Variants in PCDH11X observed in about 807,000 individuals in gnomAD.
PCDH11X encodes the protein protocadherin-11 X-linked.
In PCDH11X, 18 loss-of-function variants were observed where a neutral mutation model predicts 53.3. That is an observed-to-expected ratio of 0.34 (90% CI 0.23 to 0.50). The LOEUF (loss-of-function observed/expected upper bound fraction) is 0.50. PCDH11X is among the 20% of genes least tolerant of loss of function. The pLI is 0.98. For missense variants in PCDH11X, 570 were observed against 1,032.4 expected (o/e 0.55, Z 6.14); for synonymous variants, 279 against 393.3 (o/e 0.71, Z 3.44).
At chrX:92,466,385 C>G (rs1240544723) in intron 9 of PCDH11X, among the ~76,000 whole-genome samples, 1 of 108,236 alleles carries the variant, frequency 9.2e-6, no homozygotes, top group Admixed American at 1.0e-4. Context: ...CAAGATGGGC[C>G]TTTAGCTTAC....
intron 6 of PCDH11X, among the ~76,000 whole-genome samples, chrX:92,031,494 C>T (rs1352959218): frequency 9.1e-6 from 1 of 109,379 alleles, no homozygotes; most frequent in African/African-American, 3.4e-5. Context: ...TGATATGATG[C>T]CATTTGTCCA....
chrX:92,213,788 T>C (rs1260592987), intron 7 of PCDH11X, among the ~76,000 whole-genome samples: 4 of 112,323 alleles, frequency 3.6e-5, no homozygotes, highest in Non-Finnish European at 5.6e-5. Flanking sequence ...ACTATGCCTT[T>C]TATATCTACC....
chrX:92,054,542 C>T (rs1292818136), intron 6 of PCDH11X, among the ~76,000 whole-genome samples: 2 of 111,326 alleles, frequency 1.8e-5, no homozygotes, highest in South Asian at 3.7e-4. Flanking sequence ...TAGTGTGTGC[C>T]GGGTACGGTG....
At chrX:91,801,342 A>C (rs921890014) in intron 1 of PCDH11X, among the ~76,000 whole-genome samples, 1 of 110,214 alleles carries the variant, frequency 9.1e-6, no homozygotes, top group Non-Finnish European at 1.9e-5. Flanking sequence ...TCAACAAAAA[A>C]GAGGGTCTTG....
intron 6 of PCDH11X, among the ~76,000 whole-genome samples, chrX:91,994,997 C>T (rs775078334): frequency 3.5e-4 from 39 of 110,641 alleles, no homozygotes; most frequent in South Asian, 1.5e-3. Context: ...TTGGATTATT[C>T]GGTGTTTTAT....
intron 6 of PCDH11X, among the ~76,000 whole-genome samples, chrX:92,091,945 G>A (rs1399669877): frequency 9.0e-6 from 1 of 111,597 alleles, no homozygotes; most frequent in Non-Finnish European, 1.9e-5. Context: ...TATATAATGT[G>A]GATTTTTCCC....
chrX:92,221,278 A>AATACACACACACACACACACACAC lies in PCDH11X; in HGVS notation c.3114+19824_3114+19825insTACACACACACACACACACACACA, dbSNP rs1249262957. 9.1e-4 allele frequency among the ~76,000 whole-genome samples: 80 copies of AATACACACACACACACACACACAC among 88,031 alleles called. 3 individuals carry two copies. Among genetic ancestry groups the AATACACACACACACACACACACAC allele is most frequent in the Admixed American group, 1.9e-3 (13 of 6,964 alleles). 76.4% of individuals were successfully genotyped at this position (88,031 alleles called of 115,157 possible). A position where few individuals can be genotyped will look rare whatever the true frequency, so the allele number is the denominator to read the frequency against. ...TTTTAAAAAAGAAAACATTGTATACAACACACACACACACACACACACACA... is the reference window on the plus strand; with the variant it reads ...TTTTAAAAAAGAAAACATTGTATACAATACACACACACACACACACACACACACACACACACACACACACACACA... On this transcript the variant is annotated intron_variant, in intron 7 of 10. Transcript: ENST00000682573.
intron 5 of PCDH11X, among the ~76,000 whole-genome samples, chrX:91,848,914 A>T (rs1197813778): frequency 9.0e-6 from 1 of 110,861 alleles, no homozygotes; most frequent in East Asian, 2.8e-4. Context: ...AGGATTACTG[A>T]TTTCTTTATA....
chrX:92,133,467 A>G (rs1376466296), intron 6 of PCDH11X, among the ~76,000 whole-genome samples: 4 of 111,617 alleles, frequency 3.6e-5, no homozygotes, highest in East Asian at 2.8e-4. Flanking sequence ...CCTGGCTTCA[A>G]GCGATTCTCC....
chrX:91,787,748 G>A (rs1935380645), intron 1 of PCDH11X, among the ~76,000 whole-genome samples: 1 of 109,305 alleles, frequency 9.1e-6, no homozygotes, highest in East Asian at 2.9e-4. Context: ...GTCCAGCATT[G>A]CAATACTTTA....
At chrX:92,504,972 G>A (rs2074024008) in intron 10 of PCDH11X, among the ~76,000 whole-genome samples, 2 of 109,517 alleles carry the variant, frequency 1.8e-5, no homozygotes, top group Non-Finnish European at 1.9e-5. Flanking sequence ...CTTTTGAATG[G>A]GGAATGCTTT....
rs1431774101 is a variant in PCDH11X at position 92,379,798 on chromosome X, C to T, written c.3145-7937C>T. 2.7e-5 allele frequency among the ~76,000 whole-genome samples: 3 copies of T among 110,489 alleles called. No individual in the cohort carries two copies. The East Asian group carries it at 8.6e-4, about 32-fold the overall frequency. On this transcript the variant is annotated intron_variant, in intron 8 of 10. Coordinates refer to ENST00000682573, the MANE Select transcript of PCDH11X (RefSeq NM_032968.5). ...GGACAAACGACAGATGACCTAACTG[C>T]TGTTAGGAGCTACCCACTCCGTGTC...
chrX:92,101,660 A>G (rs1198535239), intron 6 of PCDH11X, among the ~76,000 whole-genome samples: 2 of 110,329 alleles, frequency 1.8e-5, no homozygotes, highest in East Asian at 5.7e-4. Context: ...GCCTTCTCAG[A>G]CCCTGTAGGA....
intron 10 of PCDH11X, among the ~76,000 whole-genome samples, chrX:92,564,920 T>A (rs951335238): frequency 9.1e-6 from 1 of 110,490 alleles, no homozygotes; most frequent in Admixed American, 9.7e-5. Context: ...AACAACTCTA[T>A]ACAAAGAAAA....
intron 6 of PCDH11X, among the ~76,000 whole-genome samples, chrX:91,986,556 G>C (rs1414908494): frequency 9.1e-6 from 1 of 109,948 alleles, no homozygotes; most frequent in Non-Finnish European, 1.9e-5. Context: ...CTAAAATCAT[G>C]GTGACAATAG....
At chrX:91,902,328 G>A (rs1451992804) in intron 6 of PCDH11X, among the ~76,000 whole-genome samples, 1 of 109,771 alleles carries the variant, frequency 9.1e-6, no homozygotes, top group Non-Finnish European at 1.9e-5. Context: ...CAAACTCAAT[G>A]GACATGTTTT....
chrX:92,228,123 T>C (rs1399425099), intron 7 of PCDH11X, among the ~76,000 whole-genome samples: 1 of 111,703 alleles, frequency 9.0e-6, no homozygotes, highest in Non-Finnish European at 1.9e-5. Flanking sequence ...AACATGTTGA[T>C]CTGCATTTTT....
intron 10 of PCDH11X, among the ~76,000 whole-genome samples, chrX:92,487,966 G>A (rs1010759891): frequency 3.6e-5 from 4 of 112,466 alleles, no homozygotes; most frequent in East Asian, 2.8e-4. Flanking sequence ...ACCAGATGGC[G>A]TCTCACTCTG....
At chrX:92,088,685 G>A (rs906348032) in intron 6 of PCDH11X, among the ~76,000 whole-genome samples, 4 of 111,641 alleles carry the variant, frequency 3.6e-5, no homozygotes, top group African/African-American at 1.3e-4. Context: ...TGTAAAGTAC[G>A]TTTCTTTCTA....
Sources: gnomAD v4.1 joint callset for allele counts (sites outside exome capture counted in the v4.1 genomes callset) on GRCh38, gnomAD v4.1.1 for gene constraint, MANE v1.5 for transcripts, NCBI Gene and HGNC (gene_info 2026-07-23, HGNC 2026-07-21) for gene names.